ADAMTS2: variants seen among roughly 807,000 people sequenced by gnomAD.
ADAMTS2 encodes the protein A disintegrin and metalloproteinase with thrombospondin motifs 2.
In ADAMTS2, 50 loss-of-function variants were observed where a neutral mutation model predicts 123.0. That is an observed-to-expected ratio of 0.41 (90% CI 0.32 to 0.51). The LOEUF is 0.51. Among genes scored for constraint, ADAMTS2 ranks in the 20% least tolerant of loss-of-function variants. The probability of loss-of-function intolerance (pLI) is 0.35; values close to 1 mark genes in which losing one functional copy is unlikely to be tolerated. For synonymous variants in ADAMTS2, 678 were observed against 695.4 expected, an observed-to-expected ratio of 0.98 and a Z score of 0.39; for missense variants, 1,494 against 1,705.2, an observed-to-expected ratio of 0.88 and a Z score of 2.18.
intron 2 of ADAMTS2, among the ~76,000 whole-genome samples, chr5:179,286,841 C>G (rs985125826): frequency 6.6e-6 from 1 of 152,120 alleles, no homozygotes; most frequent in Admixed American, 6.5e-5. Context: ...CTTGGCTTGT[C>G]GACAGCATCT....
chr5:179,260,709 T>C lies in ADAMTS2; in HGVS notation c.688+12202A>G, dbSNP rs1421196866. Among the ~76,000 whole-genome samples the C allele has an allele frequency of 1.3e-5, 2 of 152,190 alleles. No homozygotes were observed. The highest frequency in any genetic ancestry group is 4.8e-5 in the African/African-American group (2 of 41,438). ...CACCTCAGTTTCCTCATCTGTAACG[T>C]GGGCACAGCAAAAGCACCAACCCAC... On this transcript the variant is annotated intron_variant, in intron 3 of 21. Transcript: ENST00000251582. The surrounding 1 kb of genome is among the most constrained non-coding windows in gnomAD (Gnocchi z 4.2).
intron 2 of ADAMTS2, among the ~76,000 whole-genome samples, chr5:179,283,297 G>A (rs1200231498): frequency 6.6e-6 from 1 of 151,798 alleles, no homozygotes; most frequent in African/African-American, 2.4e-5. Context: ...GCAAAAAATT[G>A]CCAAACAAGC....
rs1762832579 is a variant in ADAMTS2 at position 179,125,170 on chromosome 5, C to T, written c.2761G>A (p.Gly921Ser). The T allele has an allele frequency of 1.2e-6, 2 of 1,612,440 alleles. No homozygotes were observed. The highest frequency in any genetic ancestry group is 8.5e-7 in the Non-Finnish European group (1 of 1,179,918). Residue 921 changes from glycine (G) to serine (S), a missense_variant, in exon 19 of 22, where the codon GGC becomes AGC. Physicochemically the swap from Gly to Ser is moderately conservative, Grantham distance 56. Around this residue, in one of 6 missense-constraint regions of ADAMTS2, gnomAD observed 953 missense variants for 1,124.7 expected, o/e 0.85. Transcript: ENST00000251582. Reference protein sequence around the residue: ...QECSQPVWVTGEWEPCSQTCG... With the variant: ...QECSQPVWVTSEWEPCSQTCG... ...GTCTGGCTACATGGCTCCCATTCGC[C>T]TGTGACCCACCTGCCAGGGCAGAGC...
chr5:179,209,572 G>GCACACACACACGCACA (rs1434543185), intron 3 of ADAMTS2, among the ~76,000 whole-genome samples: 1 of 151,102 alleles, frequency 6.6e-6, no homozygotes, highest in Non-Finnish European at 1.5e-5. Context: ...GCACACACAT[G>GCACACACACACGCACA]CACACACATG....
In ADAMTS2 at chr5:179,225,402, A is replaced by G. The variant is rs1765257052; in HGVS notation, c.689-17687T>C. On this transcript the variant is annotated intron_variant, in intron 3 of 21. Coordinates refer to ENST00000251582, the MANE Select transcript of ADAMTS2 (RefSeq NM_014244.5). The surrounding 1 kb of genome is among the most constrained non-coding windows in gnomAD (Gnocchi z 4.5). ...GCAGGGAAGTGCATGGTCCCTGGCT[A>G]AGGGCTCCACCCTCACGGACCTATG... Among the ~76,000 whole-genome samples, 1 of 152,184 alleles carries G rather than the reference A, an allele frequency of 6.6e-6. No homozygotes were observed. The highest frequency in any genetic ancestry group is 6.5e-5 in the Admixed American group (1 of 15,288).
At chr5:179,336,335 T>C (rs149568838) in intron 2 of ADAMTS2, among the ~76,000 whole-genome samples, 1 of 152,236 alleles carries the variant, frequency 6.6e-6, no homozygotes, top group African/African-American at 2.4e-5. Context: ...GGCAAATACC[T>C]ATCCCTGGAG....
chr5:179,208,059 C>T (rs147093939), intron 3 of ADAMTS2, among the ~76,000 whole-genome samples: 86 of 82,456 alleles, frequency 1.0e-3, no homozygotes, highest in Admixed American at 3.2e-3. Flanking sequence ...CACCGTCTGC[C>T]TTATGGAGCC....
intron 2 of ADAMTS2, among the ~76,000 whole-genome samples, chr5:179,278,895 G>A (rs1343702337): frequency 6.6e-6 from 1 of 151,294 alleles, no homozygotes; most frequent in Non-Finnish European, 1.5e-5. Flanking sequence ...TGGTAAAGTA[G>A]TTACTAGAAA....
Position 179,299,258 on chromosome 5 carries a change from G to A in ADAMTS2, c.535-26194C>T, listed in dbSNP as rs527642990. 1.3e-3 allele frequency among the ~76,000 whole-genome samples: 194 copies of A among 147,072 alleles called. 2 individuals carry two copies. The highest frequency in any genetic ancestry group is 4.2e-3 in the South Asian group (19 of 4,530). On this transcript the variant is annotated intron_variant, in intron 2 of 21. Coordinates refer to ENST00000251582, the MANE Select transcript of ADAMTS2 (RefSeq NM_014244.5). ...TAAAAACACAAATTTGTCCAGGCGC[G>A]GTGGCTCACGCCTGTAATCCCAGCA... is the stretch of plus-strand genomic sequence containing the variant.
In ADAMTS2 at chr5:179,188,209, A is replaced by G. The variant is rs1485028041; in HGVS notation, c.892-7054T>C. ...GGCCACCAGAGGCAGCCTGTGGCCC[A>G]CCTGGCAAAACCATGTCCAGGAGCA... On this transcript the variant is annotated intron_variant, in intron 4 of 21. Coordinates refer to ENST00000251582, the MANE Select transcript of ADAMTS2 (RefSeq NM_014244.5). The surrounding 1 kb of genome is among the most constrained non-coding windows in gnomAD (Gnocchi z 5.1). 6.6e-6 allele frequency among the ~76,000 whole-genome samples: 1 copy of G among 152,152 alleles called. No individual in the cohort carries two copies. The highest frequency in any genetic ancestry group is 1.5e-5 in the Non-Finnish European group (1 of 68,014).
At chr5:179,165,477 G>A (rs1454518111) in intron 5 of ADAMTS2, among the ~76,000 whole-genome samples, 1 of 152,158 alleles carries the variant, frequency 6.6e-6, no homozygotes, top group Non-Finnish European at 1.5e-5. Flanking sequence ...GGCTCCTCTA[G>A]GAAAGTCTGT....
At chr5:179,209,918 G>A (rs1330280553) in intron 3 of ADAMTS2, among the ~76,000 whole-genome samples, 3 of 152,238 alleles carry the variant, frequency 2.0e-5, no homozygotes, top group Non-Finnish European at 2.9e-5. Context: ...GGAACAGGCC[G>A]GGCGTTACCC....
intron 11 of ADAMTS2, among the ~76,000 whole-genome samples, chr5:179,138,785 C>T (rs530192582): frequency 3.9e-4 from 60 of 152,308 alleles, no homozygotes; most frequent in Admixed American, 2.0e-3. Flanking sequence ...GCCGTGACTG[C>T]GGGTCCTCTC....
intron 5 of ADAMTS2, among the ~76,000 whole-genome samples, chr5:179,166,213 C>T (rs535197327): frequency 1.4e-4 from 22 of 152,260 alleles, no homozygotes; most frequent in Non-Finnish European, 2.1e-4. Flanking sequence ...GGCAGACACT[C>T]GTCCAGGCCC....
At chr5:179,267,307 C>T (rs1343753260) in intron 3 of ADAMTS2, among the ~76,000 whole-genome samples, 1 of 152,248 alleles carries the variant, frequency 6.6e-6, no homozygotes, top group Non-Finnish European at 1.5e-5. Context: ...CCAGTGCCGG[C>T]GCTTGTCCTC....
At chr5:179,140,062 ACTCACC>A (rs1373555969) in intron 10 of ADAMTS2, 27 bp from the exon 11 acceptor site, 1 of 1,613,240 alleles carries the variant, frequency 6.2e-7, no homozygotes, top group African/African-American at 1.3e-5. Flanking sequence ...CAGTCCCTCC[ACTCACC>A]CTCACACCGG....
intron 4 of ADAMTS2, among the ~76,000 whole-genome samples, chr5:179,194,280 C>G (rs1016985329): frequency 1.3e-5 from 2 of 152,150 alleles, no homozygotes; most frequent in African/African-American, 4.8e-5. Flanking sequence ...CGAGTGTTCC[C>G]CACCTGCTCA....
At chr5:179,220,233 A>G (rs1319956423) in intron 3 of ADAMTS2, among the ~76,000 whole-genome samples, 6 of 152,164 alleles carry the variant, frequency 3.9e-5, no homozygotes, top group Middle Eastern at 3.2e-3. Flanking sequence ...ACGGGTCCCA[A>G]AGGAAGGGAG....
intron 2 of ADAMTS2, among the ~76,000 whole-genome samples, chr5:179,310,538 A>G (rs1380226542): frequency 6.6e-6 from 1 of 152,022 alleles, no homozygotes; most frequent in Non-Finnish European, 1.5e-5. Context: ...TCTCTGGGCC[A>G]CCCACCGGTG....
Sources: allele counts gnomAD v4.1 joint callset (sites outside exome capture counted in the v4.1 genomes callset), GRCh38; gene constraint gnomAD v4.1.1; regional missense constraint gnomAD v4.1.1; non-coding constraint Gnocchi (gnomAD v3.1); transcripts MANE v1.5; gene names NCBI Gene and HGNC (gene_info 2026-07-23, HGNC 2026-07-21).